Variants in TRAPPC9 observed in about 807,000 individuals in gnomAD.
The protein encoded by TRAPPC9 is IKK2 binding protein.
Under a neutral mutation model 124.0 loss-of-function variants are expected in TRAPPC9, and 83 were observed. That is an observed-to-expected ratio of 0.67 (90% CI 0.56 to 0.80). The LOEUF is 0.80. Ranked by LOEUF, TRAPPC9 falls within the 30% of genes least tolerant of loss-of-function variation. The pLI is 0.00. For missense variants in TRAPPC9, 1,302 were observed against 1,508.3 expected, an observed-to-expected ratio of 0.86 and a Z score of 2.27; for synonymous variants, 638 against 617.5, an observed-to-expected ratio of 1.03 and a Z score of -0.49.
At chr8:139,891,825 C>A (rs770077690) in intron 20 of TRAPPC9, among the ~76,000 whole-genome samples, 2 of 152,228 alleles carry the variant, frequency 1.3e-5, no homozygotes, top group Admixed American at 6.5e-5. Context: ...AAGCAGCTTA[C>A]ACGTGCTCAG....
At chr8:140,031,572 A>G (rs936786001) in intron 17 of TRAPPC9, among the ~76,000 whole-genome samples, 1 of 152,236 alleles carries the variant, frequency 6.6e-6, no homozygotes, top group South Asian at 2.1e-4. Context: ...GATCCACTTA[A>G]TAAGTCAAAC....
rs1554633750 is a variant in TRAPPC9, at chr8:139,737,478, C to CCCCCCA, written c.3056-5277_3056-5276insTGGGGG. On this transcript the variant is annotated intron_variant, in intron 21 of 22. Transcript: ENST00000438773. ...GGGTCATCAGCCCTCCCCCCCCCCC[C>CCCCCCA]ACGGAAAACCCTGAGTCTGGTGTCT... Among the ~76,000 whole-genome samples the CCCCCCA allele has an allele frequency of 1.9e-4, 24 of 127,260 alleles. 5 individuals are homozygous for CCCCCCA. The highest frequency in any genetic ancestry group is 3.5e-4 in the Non-Finnish European group (20 of 57,090). 83.5% of individuals were successfully genotyped at this position (127,260 alleles called of 152,430 possible).
intron 17 of TRAPPC9, among the ~76,000 whole-genome samples, chr8:140,081,346 C>CT (rs1554620187): frequency 0.23 from 33,003 of 140,488 alleles, 4,767 homozygotes; most frequent in East Asian, 0.34. Flanking sequence ...AAAATGAATG[C>CT]TTTTTTTTTT....
At chr8:139,815,573 G>A (rs1175379225) in intron 21 of TRAPPC9, among the ~76,000 whole-genome samples, 1 of 152,084 alleles carries the variant, frequency 6.6e-6, no homozygotes, top group Non-Finnish European at 1.5e-5. Context: ...TGTATTTTTA[G>A]CAGAGACAGG....
Position 139,930,649 on chromosome 8 carries a change from G to A in TRAPPC9, c.2811-20349C>T, listed in dbSNP as rs143343918. On this transcript the variant is annotated intron_variant, in intron 19 of 22. Coordinates refer to ENST00000438773, the MANE Select transcript of TRAPPC9 (RefSeq NM_001160372.4). ...TCAAATACAATAAGGAGCATCCCCCGTGTTTAGCCCCATGGAGGAGGGAAC... is the reference window on the plus strand; with the variant it reads ...TCAAATACAATAAGGAGCATCCCCCATGTTTAGCCCCATGGAGGAGGGAAC... Among the ~76,000 whole-genome samples the A allele has an allele frequency of 3.5e-3, 534 of 152,244 alleles. 2 individuals are homozygous for A. The highest frequency in any genetic ancestry group is 0.011 in the African/African-American group (474 of 41,550).
At chr8:140,091,240 CT>C (rs1844550474) in intron 17 of TRAPPC9, among the ~76,000 whole-genome samples, 1 of 152,204 alleles carries the variant, frequency 6.6e-6, no homozygotes, top group Admixed American at 6.5e-5. Context: ...CCTGCACCCC[CT>C]GAGATATCTG....
At chr8:140,391,606 G>A (rs2068924894) in intron 7 of TRAPPC9, among the ~76,000 whole-genome samples, 1 of 151,962 alleles carries the variant, frequency 6.6e-6, no homozygotes, top group African/African-American at 2.4e-5. Flanking sequence ...CAGCTACTCA[G>A]GAGGCTGAGG....
intron 3 of TRAPPC9, among the ~76,000 whole-genome samples, chr8:140,437,089 A>G (rs1340926843): frequency 6.6e-6 from 1 of 151,926 alleles, no homozygotes; most frequent in Admixed American, 6.6e-5. Flanking sequence ...TCACCCTCAC[A>G]AGTAGCTGGG....
At chr8:140,209,609 T>C (rs2063008322) in intron 17 of TRAPPC9, among the ~76,000 whole-genome samples, 1 of 152,274 alleles carries the variant, frequency 6.6e-6, no homozygotes, top group Non-Finnish European at 1.5e-5. Context: ...TCTGTAACTA[T>C]TACTGGGACA....
At chr8:140,174,885 G>C (rs1446265049) in intron 17 of TRAPPC9, among the ~76,000 whole-genome samples, 1 of 152,044 alleles carries the variant, frequency 6.6e-6, no homozygotes, top group Non-Finnish European at 1.5e-5. Flanking sequence ...TTGTGTTCAA[G>C]TTTTTGCAAA....
rs35366571 is a variant in TRAPPC9 at position 140,245,464 on chromosome 8, GGTGT to G, written c.2431+7309_2431+7312del. 7.9e-3 allele frequency among the ~76,000 whole-genome samples: 1,193 copies of G among 150,112 alleles called. 12 individuals are homozygous for G. The highest frequency in any genetic ancestry group is 0.027 in the African/African-American group (1,091 of 41,004). Reference sequence around the variant, plus strand: ...TAGCCTTTTCATCTCTTTGTTTTGTGGTGTGTGTGTGTGTGTGTGTGTGTGTGTC... The same window carrying G: ...TAGCCTTTTCATCTCTTTGTTTTGTGGTGTGTGTGTGTGTGTGTGTGTGTC... On this transcript the variant is annotated intron_variant, in intron 16 of 22. Coordinates refer to ENST00000438773, the MANE Select transcript of TRAPPC9 (RefSeq NM_001160372.4).
chr8:139,844,124 C>T (rs1262396551), intron 21 of TRAPPC9, among the ~76,000 whole-genome samples: 1 of 152,192 alleles, frequency 6.6e-6, no homozygotes, highest in Non-Finnish European at 1.5e-5. Context: ...TGCTCACCCG[C>T]CAGAGTCATA....
At chr8:140,245,093 C>T (rs751429195) in intron 16 of TRAPPC9, among the ~76,000 whole-genome samples, 7 of 152,128 alleles carry the variant, frequency 4.6e-5, no homozygotes, top group Non-Finnish European at 7.4e-5. Flanking sequence ...CACGAGCCAC[C>T]GCGCCTGGCC....
At chr8:139,963,134 A>G (rs1835451708) in intron 19 of TRAPPC9, among the ~76,000 whole-genome samples, 2 of 152,268 alleles carry the variant, frequency 1.3e-5, no homozygotes, top group Non-Finnish European at 2.9e-5. Flanking sequence ...TGTGGCCTGC[A>G]TATTAAGTAT....
intron 19 of TRAPPC9, among the ~76,000 whole-genome samples, chr8:139,919,912 C>T (rs985898345): frequency 2.0e-5 from 3 of 152,338 alleles, no homozygotes; most frequent in East Asian, 1.9e-4. Flanking sequence ...TGGCACTGCC[C>T]GGACCCTTCC....
intron 20 of TRAPPC9, among the ~76,000 whole-genome samples, chr8:139,903,337 G>A (rs1831137353): frequency 6.6e-6 from 1 of 152,134 alleles, no homozygotes; most frequent in Non-Finnish European, 1.5e-5. Context: ...GGAGGAGGCG[G>A]ATGCGCCTGG....
intron 17 of TRAPPC9, among the ~76,000 whole-genome samples, chr8:140,132,883 G>T (rs1273986319): frequency 2.0e-5 from 3 of 152,100 alleles, no homozygotes; most frequent in Admixed American, 2.0e-4. Flanking sequence ...CGCAAGAGAG[G>T]CCATGGGCAC....
intron 8 of TRAPPC9, among the ~76,000 whole-genome samples, chr8:140,364,813 C>T (rs1343083988): frequency 2.0e-5 from 3 of 152,006 alleles, no homozygotes. Context: ...CTCAAGTGAT[C>T]CACCCATCTT....
At chr8:139,918,555 C>T (rs1315435457) in intron 19 of TRAPPC9, among the ~76,000 whole-genome samples, 2 of 152,214 alleles carry the variant, frequency 1.3e-5, no homozygotes, top group South Asian at 2.1e-4. Flanking sequence ...CCTCCCACCA[C>T]GGAGCCGGCT....
Sources: allele counts gnomAD v4.1 joint callset (sites outside exome capture counted in the v4.1 genomes callset), GRCh38; gene constraint gnomAD v4.1.1; transcripts MANE v1.5; gene names NCBI Gene and HGNC (gene_info 2026-07-23, HGNC 2026-07-21).